The following FBLN2 variants were observed in gnomAD, a reference collection of about 807,000 sequenced individuals.
FBLN2 encodes fibulin-2.
A neutral mutation model predicts 123.7 loss-of-function variants in FBLN2; 81 were observed. The observed-to-expected ratio is 0.65, with a 90% CI of 0.55 to 0.79. The LOEUF is 0.79. Among genes scored for constraint, FBLN2 ranks in the 30% least tolerant of loss-of-function variants. FBLN2 has a pLI of 0.00. For missense variants in FBLN2, 1,603 were observed against 1,681.3 expected (o/e 0.95, Z 0.81); for synonymous variants, 699 against 701.4 (o/e 1.00, Z 0.05).
intron 1 of FBLN2, among the ~76,000 whole-genome samples, chr3:13,566,081 C>T (rs747948959): frequency 6.6e-6 from 1 of 152,202 alleles, no homozygotes; most frequent in Non-Finnish European, 1.5e-5. Flanking sequence ...GGCTGGCCAC[C>T]GCAGCCAGTC....
In FBLN2 at chr3:13,549,134, C is replaced by G; in HGVS notation, c.-116C>G. 6 of 982,938 alleles carry G rather than the reference C, an allele frequency of 6.1e-6. No homozygotes were observed. The highest frequency in any genetic ancestry group is 6.0e-6 in the Non-Finnish European group (5 of 828,994). 60.9% of individuals were successfully genotyped at this position (982,938 alleles called of 1,614,324 possible). A position where few individuals can be genotyped will look rare whatever the true frequency, so the allele number is the denominator to read the frequency against. ...CCGCCCCGCCCCGCGCGCACACAGCCAGGGGCCGCCCGGGCTCTCGACGCG... is the reference window on the plus strand; with the variant it reads ...CCGCCCCGCCCCGCGCGCACACAGCGAGGGGCCGCCCGGGCTCTCGACGCG... On this transcript the variant is annotated 5_prime_UTR_variant, in exon 1 of 18. Coordinates refer to ENST00000404922, the MANE Select transcript of FBLN2 (RefSeq NM_001004019.2).
chr3:13,609,707 C>T (rs1705327964), intron 4 of FBLN2, 65 bp downstream of exon 4: 2 of 1,528,232 alleles, frequency 1.3e-6, no homozygotes, highest in Admixed American at 4.1e-5. Flanking sequence ...TGGCCTGGGC[C>T]TGAAGGTCCT....
chr3:13,623,017 C>G (rs1705908800), intron 9 of FBLN2, among the ~76,000 whole-genome samples: 1 of 152,266 alleles, frequency 6.6e-6, no homozygotes, highest in African/African-American at 2.4e-5. Context: ...TTTGTCTTCT[C>G]TGTGCTTGGG....
At chr3:13,631,235 A>C in intron 15 of FBLN2, 94 bp from the exon 16 acceptor site, 1 of 1,468,532 alleles carries the variant, frequency 6.8e-7, no homozygotes, top group Non-Finnish European at 9.2e-7. Flanking sequence ...ATGGGCCCCT[A>C]AGCTCTATGG....
At chr3:13,610,615 G>A (rs1705359195) in intron 4 of FBLN2, among the ~76,000 whole-genome samples, 1 of 152,198 alleles carries the variant, frequency 6.6e-6, no homozygotes, top group Admixed American at 6.5e-5. Context: ...AGCCGTGGGA[G>A]GGATTTGCAG....
intron 1 of FBLN2, among the ~76,000 whole-genome samples, chr3:13,564,314 C>T (rs1280309613): frequency 6.6e-6 from 1 of 152,154 alleles, no homozygotes; most frequent in Non-Finnish European, 1.5e-5. Flanking sequence ...TATTTCCCTG[C>T]TGCCATCCCT....
chr3:13,557,332 A>T (rs938812298), intron 1 of FBLN2, among the ~76,000 whole-genome samples: 1 of 152,264 alleles, frequency 6.6e-6, no homozygotes, highest in Admixed American at 6.5e-5. Context: ...GTCAGCCATG[A>T]ATACAAGAAG....
chr3:13,614,029 G>A lies in FBLN2; in HGVS notation c.1594G>A (p.Gly532Ser), dbSNP rs1483374606. ...CGLGLRVRAE[G>S]QSCESNPNLG... is the part of the protein sequence containing the mutation. ...CCTGGGCCTCCGCGTGCGGGCCGAG[G>A]GCCAGTCGTGTGAGTCCAATCCTAA... The change falls in exon 5 of 18, where the codon GGC becomes AGC. Residue 532 changes from glycine (G) to serine (S), a missense_variant. Gly to Ser is a moderately conservative substitution (Grantham distance 56). Transcript: ENST00000404922. The A allele has an allele frequency of 1.2e-6, 2 of 1,613,360 alleles. No homozygotes were observed. Among genetic ancestry groups the A allele is most frequent in the African/African-American group, 1.3e-5 (1 of 74,930 alleles).
chr3:13,555,654 C>T (rs926872435), intron 1 of FBLN2, among the ~76,000 whole-genome samples: 17 of 152,044 alleles, frequency 1.1e-4, no homozygotes, highest in Non-Finnish European at 1.9e-4. Flanking sequence ...CGGAGTTTCA[C>T]CGTGTTAGCC....
At chr3:13,597,400 C>T (rs1574970276) in intron 2 of FBLN2, among the ~76,000 whole-genome samples, 1 of 152,306 alleles carries the variant, frequency 6.6e-6, no homozygotes, top group South Asian at 2.1e-4. Flanking sequence ...CCAGTTACCA[C>T]CGTCCTGATG....
intron 2 of FBLN2, among the ~76,000 whole-genome samples, chr3:13,604,022 G>A (rs1705125432): frequency 6.6e-6 from 1 of 152,186 alleles, no homozygotes; most frequent in African/African-American, 2.4e-5. Context: ...TCTGTTGGCT[G>A]CATAAATGTC....
rs964935225 is a variant in FBLN2, at chr3:13,626,701, A to G, written c.2431+122A>G. On this transcript the variant is annotated intron_variant, in intron 10 of 17. Transcript: ENST00000404922. ...CTTAGGCCTGGCCACGCCCCTCTCC[A>G]TCCCCTCCTTTCTAGCAAGCTCCCC... The G allele has an allele frequency of 2.9e-5, 27 of 946,606 alleles. No individual in the cohort carries two copies. In the Admixed American group the frequency reaches 3.1e-4, roughly 11 times the overall value. The allele number at this position is 946,606 out of a possible 1,614,324, so 58.6% of individuals were successfully genotyped here.
Position 13,619,850 on chromosome 3 carries a change from C to T in FBLN2, c.2155+19C>T, listed in dbSNP as rs771533319. On this transcript the variant is annotated intron_variant, in intron 8 of 17. Coordinates refer to ENST00000404922, the MANE Select transcript of FBLN2 (RefSeq NM_001004019.2). The stretch of plus-strand genomic sequence containing the variant: ...TGTGAAGGTGAGTGCCTTGGGGTGC[C>T]CTCCTACCTGTGCAAACCTGAGTTG... 27 of 1,595,438 alleles carry T rather than the reference C, an allele frequency of 1.7e-5. No homozygotes were observed. The highest frequency in any genetic ancestry group is 3.5e-5 in the Admixed American group (2 of 56,916).
At chr3:13,559,271 G>A (rs917682226) in intron 1 of FBLN2, among the ~76,000 whole-genome samples, 39 of 152,008 alleles carry the variant, frequency 2.6e-4, no homozygotes, top group African/African-American at 8.9e-4. Flanking sequence ...TCATGTCATT[G>A]TGAAGTTCAG....
At chr3:13,565,457 G>A (rs1703717232) in intron 1 of FBLN2, among the ~76,000 whole-genome samples, 1 of 152,206 alleles carries the variant, frequency 6.6e-6, no homozygotes. Flanking sequence ...TGTGAAGAAT[G>A]GGCCGCCAAA....
At chr3:13,583,306 G>A (rs542628594) in intron 2 of FBLN2, among the ~76,000 whole-genome samples, 1 of 152,400 alleles carries the variant, frequency 6.6e-6, no homozygotes, top group South Asian at 2.1e-4. Flanking sequence ...CCCCGTGAGG[G>A]GATGTCATCA....
chr3:13,550,545 C>G (rs1028131786), intron 1 of FBLN2, among the ~76,000 whole-genome samples: 1 of 152,214 alleles, frequency 6.6e-6, no homozygotes, highest in African/African-American at 2.4e-5. Context: ...GATGCTGGTC[C>G]GGGCCCTCCC....
intron 1 of FBLN2, among the ~76,000 whole-genome samples, 200 bp from the exon 2 acceptor site, chr3:13,570,115 A>G (rs1420359697): frequency 6.6e-6 from 1 of 152,112 alleles, no homozygotes; most frequent in Non-Finnish European, 1.5e-5. Context: ...CCCAGCGACT[A>G]GACACTCACC....
rs773923956 is a variant in FBLN2 at position 13,637,627 on chromosome 3, A to G, written c.3404A>G (p.His1135Arg). 1.7e-5 allele frequency: 28 copies of G among 1,613,840 alleles called. No individual in the cohort carries two copies. The highest frequency in any genetic ancestry group is 1.7e-4 in the Admixed American group (10 of 59,998). Residue 1135 changes from histidine (H) to arginine (R), a missense_variant, in exon 18 of 18, where the codon CAC becomes CGC. Transcript: ENST00000404922. ...CAGAACTCGCCAGCGCGCATCACGCACTACCAGCTCAACTTCCAGACGGGC... is the reference window on the plus strand; with the variant it reads ...CAGAACTCGCCAGCGCGCATCACGCGCTACCAGCTCAACTTCCAGACGGGC... ...ECQNSPARIT[H>R]YQLNFQTGLL...
Sources: allele counts gnomAD v4.1 joint callset (sites outside exome capture counted in the v4.1 genomes callset), GRCh38; gene constraint gnomAD v4.1.1; transcripts MANE v1.5; gene names NCBI Gene and HGNC (gene_info 2026-07-23, HGNC 2026-07-21).